Variants in SCN2A observed in about 807,000 individuals in gnomAD.
SCN2A encodes sodium channel protein type 2 subunit alpha.
A neutral mutation model predicts 188.7 loss-of-function variants in SCN2A; 20 were observed. The observed-to-expected ratio is 0.11, with a 90% confidence interval of 0.07 to 0.15. The LOEUF is 0.15. SCN2A is among the 10% of genes least tolerant of loss of function. SCN2A has a pLI of 1.00. For synonymous variants in SCN2A, 804 were observed against 833.1 expected, an observed-to-expected ratio of 0.97 and a Z score of 0.60; for missense variants, 1,278 against 2,445.0, an observed-to-expected ratio of 0.52 and a Z score of 10.07.
At chr2:165,351,538 C>A (rs1699918185) in intron 16 of SCN2A, among the ~76,000 whole-genome samples, 1 of 150,022 alleles carries the variant, frequency 6.7e-6, no homozygotes, top group Non-Finnish European at 1.5e-5. Context: ...CTGCAAACAT[C>A]ACAATTAGGA....
At chr2:165,250,538 C>CA (rs530002330) in intron 1 of SCN2A, among the ~76,000 whole-genome samples, 40 of 150,620 alleles carry the variant, frequency 2.7e-4, no homozygotes, top group East Asian at 1.2e-3. Context: ...CATATACACA[C>CA]AAAAAAAATC....
At chr2:165,327,293 T>C (rs1698408298) in intron 13 of SCN2A, 2 of 354,220 alleles carry the variant, frequency 5.6e-6, no homozygotes, top group South Asian at 2.5e-5. Flanking sequence ...TAAATGCTTA[T>C]ACTTATGATG....
At chr2:165,369,694 G>C (rs1700923861) in intron 19 of SCN2A, among the ~76,000 whole-genome samples, 1 of 152,036 alleles carries the variant, frequency 6.6e-6, no homozygotes, top group Non-Finnish European at 1.5e-5. Flanking sequence ...CAGAGAGAGG[G>C]AGAGAGACAA....
intron 19 of SCN2A, among the ~76,000 whole-genome samples, chr2:165,368,205 C>T (rs1700830044): frequency 6.6e-6 from 1 of 152,066 alleles, no homozygotes; most frequent in Admixed American, 6.5e-5. Context: ...CAGCCAGACT[C>T]CTCTCCGAAG....
chr2:165,363,895 G>T (rs1269144480), intron 17 of SCN2A, among the ~76,000 whole-genome samples: 1 of 151,980 alleles, frequency 6.6e-6, no homozygotes, highest in African/African-American at 2.4e-5. Context: ...AGAGACAAAA[G>T]CATTTTTAAT....
intron 1 of SCN2A, among the ~76,000 whole-genome samples, chr2:165,259,103 G>A (rs1276874804): frequency 6.6e-6 from 1 of 152,104 alleles, no homozygotes; most frequent in Non-Finnish European, 1.5e-5. Context: ...AAAGACCTAT[G>A]TTTACACTAT....
intron 1 of SCN2A, among the ~76,000 whole-genome samples, chr2:165,276,491 T>C (rs1695350342): frequency 6.6e-6 from 1 of 152,218 alleles, no homozygotes; most frequent in Admixed American, 6.5e-5. Flanking sequence ...GATTCATTCT[T>C]GGTGCTAAAA....
intron 25 of SCN2A, among the ~76,000 whole-genome samples, chr2:165,386,204 G>T (rs755296652): frequency 1.3e-4 from 19 of 152,000 alleles, no homozygotes; most frequent in Non-Finnish European, 2.4e-4. Context: ...GGTGGCTCAT[G>T]CCTGTAATTC....
At chr2:165,316,226 C>T (rs1335779732) in intron 11 of SCN2A, among the ~76,000 whole-genome samples, 3 of 152,016 alleles carry the variant, frequency 2.0e-5, no homozygotes, top group African/African-American at 7.3e-5. Context: ...TCAAAGGGGA[C>T]TGAAACAAAA....
rs117456017 is a variant in SCN2A, at chr2:165,370,737, G to A, written c.3849+438G>A. 734 of 173,434 alleles carry A rather than the reference G, an allele frequency of 4.2e-3. 9 individuals are homozygous for A. The East Asian group carries it at 0.05, about 12-fold the overall frequency. The allele number at this position is 173,434 out of a possible 1,614,324, so 10.7% of individuals were successfully genotyped here. ...ACAAAGAAATTTGAAAGTCCAAAAA[G>A]CAAGAGACACCACTTGATTTGTATG... is the stretch of plus-strand genomic sequence containing the variant. On this transcript the variant is annotated intron_variant, in intron 20 of 26. Transcript: ENST00000375437.
At chr2:165,304,986 A>T (rs1697038621) in intron 3 of SCN2A, among the ~76,000 whole-genome samples, 2 of 152,216 alleles carry the variant, frequency 1.3e-5, no homozygotes, top group Admixed American at 1.3e-4. Context: ...GAATTTGGAA[A>T]CATCAGTTTA....
intron 16 of SCN2A, among the ~76,000 whole-genome samples, chr2:165,350,487 T>A (rs1699839144): frequency 1.0e-5 from 1 of 96,770 alleles, no homozygotes; most frequent in African/African-American, 4.5e-5. Flanking sequence ...TTTTTTTTTT[T>A]TTTGAGACGG....
chr2:165,305,389 G>A (rs1697064049), intron 3 of SCN2A, among the ~76,000 whole-genome samples: 1 of 152,184 alleles, frequency 6.6e-6, no homozygotes, highest in Admixed American at 6.5e-5. Context: ...GTCTCACTTG[G>A]AGAGAAGTAT....
chr2:165,373,021 G>A (rs1044427725), intron 20 of SCN2A: 12 of 530,506 alleles, frequency 2.3e-5, no homozygotes, highest in Non-Finnish European at 3.7e-5. Flanking sequence ...ACTTCACCCT[G>A]GGAACCTGTA....
Position 165,380,424 on chromosome 2 carries a change from G to A in SCN2A, c.4309-168G>A, listed in dbSNP as rs1447635688. On this transcript the variant is annotated intron_variant, in intron 23 of 26. Coordinates refer to ENST00000375437, the MANE Select transcript of SCN2A (RefSeq NM_001040142.2). ...TTCCCAGGTAATGAATAGTCTTGCA[G>A]AACTCTTCAATAAGCATGTGAGATT... Among the ~76,000 whole-genome samples the A allele has an allele frequency of 2.0e-5, 3 of 151,886 alleles. No individual in the cohort carries two copies. The East Asian group carries it at 5.8e-4, about 29-fold the overall frequency.
intron 18 of SCN2A, among the ~76,000 whole-genome samples, chr2:165,366,214 T>C (rs1169103395): frequency 6.6e-6 from 1 of 152,222 alleles, no homozygotes; most frequent in African/African-American, 2.4e-5. Flanking sequence ...AACTATAGAA[T>C]TGTAGACAAA....
chr2:165,291,436 C>T (rs1436184693), intron 1 of SCN2A, among the ~76,000 whole-genome samples: 31 of 65,426 alleles, frequency 4.7e-4, no homozygotes, highest in African/African-American at 1.4e-3. Flanking sequence ...GTCTTTCTTT[C>T]TCTTTCTTTC....
intron 1 of SCN2A, chr2:165,241,244 C>T (rs1488594852): frequency 1.3e-5 from 2 of 152,014 alleles, no homozygotes; most frequent in African/African-American, 4.8e-5. Flanking sequence ...ATGCAGTGCT[C>T]AATTTTCTTA....
chr2:165,392,034 G>A lies in SCN2A; in HGVS notation c.*2210G>A, dbSNP rs2105407377. 1 of 152,532 alleles carries A rather than the reference G, an allele frequency of 6.6e-6. No individual in the cohort carries two copies. Among genetic ancestry groups the A allele is most frequent in the East Asian group, 1.9e-4 (1 of 5,174 alleles). The allele number at this position is 152,532 out of a possible 1,614,324, so 9.4% of individuals were successfully genotyped here. On this transcript the variant is annotated 3_prime_UTR_variant, in exon 27 of 27. Transcript: ENST00000375437. ...ATCAAGCCAAAAGAATAAAGGTTTC[G>A]CTTTTGTTTTTGTATTTAATTGTTG...
Sources: allele counts gnomAD v4.1 joint callset (sites outside exome capture counted in the v4.1 genomes callset), GRCh38; gene constraint gnomAD v4.1.1; transcripts MANE v1.5; gene names NCBI Gene and HGNC (gene_info 2026-07-23, HGNC 2026-07-21).